LYRM4: variants seen among roughly 807,000 people sequenced by gnomAD.
The protein encoded by LYRM4 is LYR motif containing 4.
Under a neutral mutation model 11.7 loss-of-function variants are expected in LYRM4, and 9 were observed. That is an observed-to-expected ratio of 0.77 (90% CI 0.46 to 1.34). The LOEUF is 1.34. Among genes scored for constraint, LYRM4 ranks in the 40% most tolerant of loss-of-function variants. The pLI, the probability that LYRM4 is intolerant of heterozygous loss-of-function variation, is 0.00. For missense variants in LYRM4, 133 were observed against 112.5 expected (o/e 1.18, Z -0.82); for synonymous variants, 42 against 40.4 (o/e 1.04, Z -0.15).
chr6:5,174,431 G>C (rs1011658871), intron 2 of LYRM4, among the ~76,000 whole-genome samples: 1 of 152,256 alleles, frequency 6.6e-6, no homozygotes, highest in East Asian at 1.9e-4. Flanking sequence ...ACCAGAAGTG[G>C]TAATGAGGAG....
At chr6:5,121,132 C>T (rs772893834) in intron 2 of LYRM4, among the ~76,000 whole-genome samples, 5 of 152,160 alleles carry the variant, frequency 3.3e-5, no homozygotes, top group Admixed American at 2.0e-4. Flanking sequence ...CAATGGAGTG[C>T]ATACTTTTCC....
At chr6:5,066,747 C>G in the LYRM4 span, 1 of 758,462 alleles carries the variant, frequency 1.3e-6, no homozygotes. Flanking sequence ...CTCAGCCAAT[C>G]TCCGATTGGT....
the LYRM4 span, among the ~76,000 whole-genome samples, chr6:5,058,986 C>T: frequency 6.6e-6 from 1 of 152,184 alleles, no homozygotes; most frequent in Admixed American, 6.5e-5. Flanking sequence ...AAGACCTCTG[C>T]TCTCCTAATC....
chr6:5,051,151 A>G, the LYRM4 span, among the ~76,000 whole-genome samples: 1 of 152,252 alleles, frequency 6.6e-6, no homozygotes, highest in Non-Finnish European at 1.5e-5. Flanking sequence ...AAGATTACAG[A>G]AAAGTGACCA....
At chr6:5,213,882 G>A (rs908969293) in intron 2 of LYRM4, among the ~76,000 whole-genome samples, 5 of 152,328 alleles carry the variant, frequency 3.3e-5, no homozygotes, top group Non-Finnish European at 4.4e-5. Flanking sequence ...GCATTATCCC[G>A]GGGGCTTTGC....
chr6:5,151,902 C>A (rs1758112807), intron 2 of LYRM4, among the ~76,000 whole-genome samples: 1 of 152,136 alleles, frequency 6.6e-6, no homozygotes, highest in South Asian at 2.1e-4. Flanking sequence ...GTATTTTTCC[C>A]ATTTTGCTTT....
chr6:5,043,560 G>T, the LYRM4 span: 1 of 152,108 alleles, frequency 6.6e-6, no homozygotes, highest in African/African-American at 2.4e-5. Context: ...TGTTTCTGGC[G>T]TCTATAAAGT....
the LYRM4 span, chr6:5,066,718 A>G: frequency 1.2e-6 from 1 of 832,192 alleles, no homozygotes; most frequent in African/African-American, 1.7e-5. Flanking sequence ...TGTTTTCTCC[A>G]TACGATTTGC....
chr6:5,063,031 T>C, the LYRM4 span, among the ~76,000 whole-genome samples: 6 of 152,092 alleles, frequency 3.9e-5, no homozygotes, highest in African/African-American at 1.4e-4. Flanking sequence ...CTGGGTCTGC[T>C]CGTTCACAAA....
intron 2 of LYRM4, among the ~76,000 whole-genome samples, chr6:5,205,812 C>A (rs1008734852): frequency 6.6e-6 from 1 of 152,166 alleles, no homozygotes; most frequent in Non-Finnish European, 1.5e-5. Context: ...AAACCTCATT[C>A]GTAAATGAGA....
intron 2 of LYRM4, among the ~76,000 whole-genome samples, chr6:5,176,066 A>AGTTTTTT (rs140512571): frequency 6.8e-6 from 1 of 147,248 alleles, no homozygotes; most frequent in Non-Finnish European, 1.5e-5. Context: ...TTACGCTATT[A>AGTTTTTT]ATTTTTTTTT....
At position 5,137,578 on chromosome 6, in the gene LYRM4, C is replaced by T. The variant is rs1342549474; in HGVS notation, c.208-28087G>A. Among the ~76,000 whole-genome samples the T allele has an allele frequency of 2.0e-5, 3 of 152,318 alleles. No individual in the cohort carries two copies. The East Asian group carries it at 5.8e-4, about 29-fold the overall frequency. Reference sequence around the variant, plus strand: ...CTTCTTTGAGCTCAGTTCCTCCTCACAGAGGAACTCTAGTGTCCTTTAAAT... The same window carrying T: ...CTTCTTTGAGCTCAGTTCCTCCTCATAGAGGAACTCTAGTGTCCTTTAAAT... On this transcript the variant is annotated intron_variant, in intron 2 of 2. Transcript: ENST00000330636.
At chr6:5,115,541 G>T (rs1763080531) in intron 2 of LYRM4, among the ~76,000 whole-genome samples, 1 of 152,110 alleles carries the variant, frequency 6.6e-6, no homozygotes, top group African/African-American at 2.4e-5. Context: ...ATTTCACAAA[G>T]TCCACCAATC....
At chr6:5,118,094 A>ATATATATATATATATATATATATATATTT in intron 2 of LYRM4, among the ~76,000 whole-genome samples, 3 of 86,108 alleles carry the variant, frequency 3.5e-5, no homozygotes, top group African/African-American at 1.2e-4. Context: ...ATATATATAT[A>ATATATATATATATATATATATATATATTT]TTTTTGTTTT....
downstream of LYRM4, chr6:5,105,749 G>T (rs1385988695): frequency 6.6e-6 from 1 of 152,630 alleles, no homozygotes; most frequent in African/African-American, 2.4e-5. Context: ...GGGAGGCAGA[G>T]GTTGTAGTGA....
intron 2 of LYRM4, among the ~76,000 whole-genome samples, chr6:5,123,864 T>C (rs1348925915): frequency 3.3e-5 from 5 of 152,206 alleles, no homozygotes; most frequent in Admixed American, 1.3e-4. Flanking sequence ...GTGTAGTTTT[T>C]CTCTAGCATT....
the LYRM4 span, among the ~76,000 whole-genome samples, chr6:5,053,096 G>A: frequency 6.6e-6 from 1 of 152,136 alleles, no homozygotes; most frequent in African/African-American, 2.4e-5. Context: ...TGTTGTTTTG[G>A]ATATGAAATG....
intron 1 of LYRM4, among the ~76,000 whole-genome samples, chr6:5,239,772 C>T (rs1462157863): frequency 6.6e-6 from 1 of 152,146 alleles, no homozygotes; most frequent in Non-Finnish European, 1.5e-5. Flanking sequence ...CACTGACTTC[C>T]TAATCGGCAC....
chr6:5,230,061 G>T (rs1186721211), intron 1 of LYRM4, among the ~76,000 whole-genome samples: 4 of 152,140 alleles, frequency 2.6e-5, no homozygotes, highest in Non-Finnish European at 5.9e-5. Context: ...AAAATGAAAC[G>T]TGTTTAGCTT....
Sources: gnomAD v4.1 joint callset for allele counts (sites outside exome capture counted in the v4.1 genomes callset) on GRCh38, gnomAD v4.1.1 for gene constraint, MANE v1.5 for transcripts, NCBI Gene and HGNC (gene_info 2026-07-23, HGNC 2026-07-21) for gene names.